GPC5: variants seen among roughly 807,000 people sequenced by gnomAD.
The protein encoded by GPC5 is glypican-5.
GPC5 carries 47 observed loss-of-function variants against 53.9 expected under a neutral mutation model. That is an observed-to-expected ratio of 0.87 (90% CI 0.69 to 1.11). GPC5 has a LOEUF of 1.11. GPC5 is among the 50% of genes most tolerant of loss of function. The pLI is 0.00. For missense variants in GPC5, 748 were observed against 713.1 expected (o/e 1.05, Z -0.56); for synonymous variants, 286 against 263.3 (o/e 1.09, Z -0.84).
intron 7 of GPC5, among the ~76,000 whole-genome samples, chr13:92,156,397 T>C (rs2041945448): frequency 6.6e-6 from 1 of 152,192 alleles, no homozygotes; most frequent in African/African-American, 2.4e-5. Context: ...GTTTTCACAT[T>C]GATTTTCAAT....
At chr13:92,765,192 A>G (rs1338030598) in intron 7 of GPC5, among the ~76,000 whole-genome samples, 1 of 152,196 alleles carries the variant, frequency 6.6e-6, no homozygotes, top group Non-Finnish European at 1.5e-5. Flanking sequence ...AACTCACTGC[A>G]TAGGTATTTT....
intron 5 of GPC5, among the ~76,000 whole-genome samples, chr13:91,819,087 G>C (rs575929353): frequency 6.8e-6 from 1 of 147,948 alleles, no homozygotes; most frequent in African/African-American, 2.5e-5. Flanking sequence ...CCTGTTTGCT[G>C]TCAGATGTAA....
chr13:91,571,896 T>TACAC (rs2031854892), intron 2 of GPC5, among the ~76,000 whole-genome samples: 2 of 76,020 alleles, frequency 2.6e-5, no homozygotes, highest in Non-Finnish European at 5.0e-5. Context: ...CGTGTGTATA[T>TACAC]ACACATATTG....
intron 7 of GPC5, among the ~76,000 whole-genome samples, chr13:92,712,465 A>AAAC (rs1491545301): frequency 0.011 from 5 of 476 alleles, no homozygotes; most frequent in Non-Finnish European, 0.1. Flanking sequence ...ACAAACAAAC[A>AAAC]AAAAAAAAAC....
chr13:92,777,192 C>T (rs923897636), intron 7 of GPC5, among the ~76,000 whole-genome samples: 1 of 150,766 alleles, frequency 6.6e-6, no homozygotes, highest in Admixed American at 6.6e-5. Flanking sequence ...AAAAACTAGC[C>T]GGGCATGGAG....
At chr13:91,759,368 A>T (rs1405986272) in intron 5 of GPC5, among the ~76,000 whole-genome samples, 1 of 152,040 alleles carries the variant, frequency 6.6e-6, no homozygotes, top group Non-Finnish European at 1.5e-5. Context: ...TCATTTCTTT[A>T]TGTTATAAGC....
rs1334699280 is a variant in GPC5 at position 91,498,928 on chromosome 13, A to T, written c.325+50006A>T. 3.9e-5 allele frequency among the ~76,000 whole-genome samples: 6 copies of T among 152,000 alleles called. No homozygotes were observed. The East Asian group carries it at 1.2e-3, about 30-fold the overall frequency. ...AGAGGTTGCAGTGAGCGAAGATCTTACCACTGCACTCCAGCCTGGGGAACA... is the reference window on the plus strand; with the variant it reads ...AGAGGTTGCAGTGAGCGAAGATCTTTCCACTGCACTCCAGCCTGGGGAACA... On this transcript the variant is annotated intron_variant, in intron 2 of 7. Transcript: ENST00000377067.
chr13:92,574,857 A>C (rs978714515), intron 7 of GPC5, among the ~76,000 whole-genome samples: 15 of 152,188 alleles, frequency 9.9e-5, no homozygotes, highest in African/African-American at 3.6e-4. Context: ...CTTATCTAGC[A>C]AGAAGGTCAG....
rs867700886 is a variant in GPC5 at position 91,449,116 on chromosome 13, A to T, written c.325+194A>T. Reference sequence around the variant, plus strand: ...ATTGTGGGAGTATATACTGAGTTGGATTGGGGAAACTGAGTTGGACTGTTA... The same window carrying T: ...ATTGTGGGAGTATATACTGAGTTGGTTTGGGGAAACTGAGTTGGACTGTTA... On this transcript the variant is annotated intron_variant, in intron 2 of 7. Transcript: ENST00000377067. Among the ~76,000 whole-genome samples, 4 of 152,156 alleles carry T rather than the reference A, an allele frequency of 2.6e-5. No individual in the cohort carries two copies. The South Asian group carries it at 6.2e-4, about 24-fold the overall frequency.
Position 91,753,266 on chromosome 13 carries a change from C to T in GPC5, c.1155-3029C>T, listed in dbSNP as rs193099840. 6.6e-5 allele frequency among the ~76,000 whole-genome samples: 10 copies of T among 152,172 alleles called. No homozygotes were observed. The East Asian group carries it at 1.4e-3, about 21-fold the overall frequency. On this transcript the variant is annotated intron_variant, in intron 4 of 7. Transcript: ENST00000377067. Reference sequence around the variant, plus strand: ...GCCTTGGAAAGATGAAAATATCAAGCGAGATAAGGATGATCATAAATATAG... The same window carrying T: ...GCCTTGGAAAGATGAAAATATCAAGTGAGATAAGGATGATCATAAATATAG...
chr13:91,453,282 A>G (rs1881311970), intron 2 of GPC5, among the ~76,000 whole-genome samples: 1 of 151,984 alleles, frequency 6.6e-6, no homozygotes, highest in Non-Finnish European at 1.5e-5. Context: ...ATATGAATAT[A>G]ACTTACGGAT....
chr13:92,232,939 C>T (rs1038611114), intron 7 of GPC5, among the ~76,000 whole-genome samples: 1 of 152,288 alleles, frequency 6.6e-6, no homozygotes, highest in Non-Finnish European at 1.5e-5. Context: ...CAAAGAACTT[C>T]TTAGTGTATA....
chr13:91,433,391 C>T (rs1422914402), intron 1 of GPC5, among the ~76,000 whole-genome samples: 1 of 148,198 alleles, frequency 6.7e-6, no homozygotes, highest in African/African-American at 2.5e-5. Flanking sequence ...TGATGTTCCC[C>T]TTCCTGTGTC....
chr13:91,815,092 A>T (rs2038379745), intron 5 of GPC5, among the ~76,000 whole-genome samples: 1 of 152,170 alleles, frequency 6.6e-6, no homozygotes, highest in African/African-American at 2.4e-5. Context: ...GAAGCTGGGT[A>T]TGGTGGCTCA....
At chr13:92,577,904 A>G (rs1387506222) in intron 7 of GPC5, among the ~76,000 whole-genome samples, 4 of 152,184 alleles carry the variant, frequency 2.6e-5, no homozygotes, top group African/African-American at 9.6e-5. Context: ...TTATTATGTC[A>G]TTTCTGAGTC....
At chr13:92,415,771 G>A (rs975691094) in intron 7 of GPC5, among the ~76,000 whole-genome samples, 3 of 152,112 alleles carry the variant, frequency 2.0e-5, no homozygotes, top group African/African-American at 4.8e-5. Flanking sequence ...ACCTATCTAG[G>A]TGCATGGCCT....
At chr13:92,712,400 G>A (rs1888169280) in intron 7 of GPC5, among the ~76,000 whole-genome samples, 1 of 151,540 alleles carries the variant, frequency 6.6e-6, no homozygotes, top group Non-Finnish European at 1.5e-5. Context: ...AACCCAGGAT[G>A]GTGACAAACT....
chr13:92,757,401 C>T lies in GPC5; in HGVS notation c.1562-108881C>T, dbSNP rs189400810. 1.1e-3 allele frequency among the ~76,000 whole-genome samples: 171 copies of T among 152,230 alleles called. 4 individuals carry two copies. Among genetic ancestry groups the T allele is most frequent in the African/African-American group, 4.0e-3 (167 of 41,524 alleles). ...CCATGGAAGAAAACCTAGGCAATAC[C>T]ATTCAGGACATAGGCATGGGCAAGG... On this transcript the variant is annotated intron_variant, in intron 7 of 7. Transcript: ENST00000377067.
intron 7 of GPC5, among the ~76,000 whole-genome samples, chr13:92,706,355 A>G (rs1161944358): frequency 2.6e-5 from 4 of 152,016 alleles, no homozygotes; most frequent in Non-Finnish European, 5.9e-5. Flanking sequence ...GTGTGATTAT[A>G]TCTAGAATGC....
Sources: gnomAD v4.1 joint callset for allele counts (sites outside exome capture counted in the v4.1 genomes callset) on GRCh38, gnomAD v4.1.1 for gene constraint, MANE v1.5 for transcripts, NCBI Gene and HGNC (gene_info 2026-07-23, HGNC 2026-07-21) for gene names.